PDE10A: variants seen among roughly 807,000 people sequenced by gnomAD.
The protein encoded by PDE10A is phosphodiesterase 10A.
PDE10A carries 39 observed loss-of-function variants against 97.7 expected under a neutral mutation model. That is an observed-to-expected ratio of 0.40 (90% CI 0.31 to 0.52). The LOEUF (loss-of-function observed/expected upper bound fraction) is 0.52. Ranked by LOEUF, PDE10A falls within the 20% of genes least tolerant of loss-of-function variation. The pLI, the probability that PDE10A is intolerant of heterozygous loss-of-function variation, is 0.56. For synonymous variants in PDE10A, 371 were observed against 376.8 expected, an observed-to-expected ratio of 0.98 and a Z score of 0.18; for missense variants, 731 against 1,047.8, an observed-to-expected ratio of 0.70 and a Z score of 4.17.
intron 13 of PDE10A, among the ~76,000 whole-genome samples, chr6:165,396,811 T>G (rs1181917507): frequency 2.6e-5 from 4 of 152,190 alleles, no homozygotes; most frequent in Non-Finnish European, 5.9e-5. Context: ...TTTGTACTTT[T>G]AAAGATCATC....
At chr6:165,682,846 G>A (rs961020554) in intron 1 of PDE10A, among the ~76,000 whole-genome samples, 6 of 152,124 alleles carry the variant, frequency 3.9e-5, no homozygotes, top group African/African-American at 1.2e-4. Context: ...GCTGGTCATC[G>A]GTTTGTACAT....
At chr6:165,782,968 C>T (rs1022814665) in intron 1 of PDE10A, among the ~76,000 whole-genome samples, 1 of 152,136 alleles carries the variant, frequency 6.6e-6, no homozygotes, top group African/African-American at 2.4e-5. Flanking sequence ...TTCACATGAC[C>T]ATGGCTTCCT....
At chr6:165,398,478 ACTCTCTCT>A (rs61614769) in intron 13 of PDE10A, among the ~76,000 whole-genome samples, 1 of 139,290 alleles carries the variant, frequency 7.2e-6, no homozygotes, top group African/African-American at 2.7e-5. Context: ...ATAGAGCAAG[ACTCTCTCT>A]CTCTCTCTCT....
intron 3 of PDE10A, among the ~76,000 whole-genome samples, chr6:165,481,741 C>CTTAAAG (rs10636941): frequency 0.68 from 102,131 of 151,264 alleles, 34,639 homozygotes; most frequent in Admixed American, 0.74. Flanking sequence ...TGCTAAGACT[C>CTTAAAG]TTAACTAGGC....
At chr6:165,564,786 A>C (rs1784694513) in intron 1 of PDE10A, among the ~76,000 whole-genome samples, 1 of 152,208 alleles carries the variant, frequency 6.6e-6, no homozygotes, top group Non-Finnish European at 1.5e-5. Context: ...TATAAAATGG[A>C]AATAACAATA....
At chr6:165,423,069 G>A (rs1788838409) in intron 10 of PDE10A, among the ~76,000 whole-genome samples, 1 of 152,100 alleles carries the variant, frequency 6.6e-6, no homozygotes, top group Non-Finnish European at 1.5e-5. Flanking sequence ...AGCTGTCAGG[G>A]CTATTGCTGC....
chr6:165,571,448 G>A (rs1192741767), intron 1 of PDE10A, among the ~76,000 whole-genome samples: 2 of 152,296 alleles, frequency 1.3e-5, no homozygotes, highest in South Asian at 2.1e-4. Flanking sequence ...TCCTATGCTT[G>A]AGAGTCAGTA....
chr6:165,879,348 C>A (rs932140703), intron 1 of PDE10A, among the ~76,000 whole-genome samples: 1 of 152,182 alleles, frequency 6.6e-6, no homozygotes, highest in African/African-American at 2.4e-5. Context: ...GTAGTTTGAG[C>A]AATTTTGGGG....
chr6:165,983,235 G>A (rs1414381600), intron 1 of PDE10A, among the ~76,000 whole-genome samples: 1 of 152,190 alleles, frequency 6.6e-6, no homozygotes, highest in Admixed American at 6.5e-5. Flanking sequence ...AACCATCTGA[G>A]TGTGTACACA....
chr6:165,650,929 G>T (rs1217738600), intron 1 of PDE10A, among the ~76,000 whole-genome samples: 1 of 152,136 alleles, frequency 6.6e-6, no homozygotes, highest in Non-Finnish European at 1.5e-5. Flanking sequence ...GTAGAAATGG[G>T]TTTTCACCAT....
At chr6:165,967,808 CAA>C (rs747829958) in intron 1 of PDE10A, among the ~76,000 whole-genome samples, 7 of 152,122 alleles carry the variant, frequency 4.6e-5, no homozygotes, top group Non-Finnish European at 1.0e-4. Context: ...AATTTATACA[CAA>C]GAGAAGTGAT....
chr6:165,865,133 A>G (rs1263328705), intron 1 of PDE10A, among the ~76,000 whole-genome samples: 2 of 152,190 alleles, frequency 1.3e-5, no homozygotes, highest in Non-Finnish European at 2.9e-5. Context: ...GTCTCACCAC[A>G]GTCTCCACTA....
intron 1 of PDE10A, among the ~76,000 whole-genome samples, chr6:165,828,859 T>C (rs1779830964): frequency 6.6e-6 from 1 of 152,196 alleles, no homozygotes; most frequent in Non-Finnish European, 1.5e-5. Context: ...CTGGTATGTA[T>C]TTAACAAAGA....
chr6:165,650,053 G>C (rs536577013), intron 1 of PDE10A, among the ~76,000 whole-genome samples: 4 of 152,266 alleles, frequency 2.6e-5, no homozygotes, highest in Middle Eastern at 3.4e-3. Context: ...TTCATCGTTT[G>C]ACATTTTGGG....
intron 1 of PDE10A, among the ~76,000 whole-genome samples, chr6:165,934,492 G>C (rs2128491375): frequency 6.6e-6 from 1 of 151,884 alleles, no homozygotes; most frequent in East Asian, 1.9e-4. Context: ...AAAACCCTCT[G>C]GATCCATCTT....
At chr6:165,406,025 T>C (rs1583211696) in intron 13 of PDE10A, among the ~76,000 whole-genome samples, 3 of 151,950 alleles carry the variant, frequency 2.0e-5, no homozygotes, top group East Asian at 3.9e-4. Flanking sequence ...CGAACAAATG[T>C]CCATGTCAGT....
intron 3 of PDE10A, among the ~76,000 whole-genome samples, chr6:165,457,699 G>A (rs1384542711): frequency 6.6e-6 from 1 of 152,104 alleles, no homozygotes; most frequent in Non-Finnish European, 1.5e-5. Context: ...ACACAGTTTG[G>A]GAACCAGGGG....
At chr6:165,791,143 C>G (rs969431892) in intron 1 of PDE10A, among the ~76,000 whole-genome samples, 1 of 151,904 alleles carries the variant, frequency 6.6e-6, no homozygotes, top group African/African-American at 2.4e-5. Flanking sequence ...AGATGGGGGT[C>G]TCACTATGTT....
At chr6:165,504,665 TTCATAAAA>T (rs1781088811) in intron 2 of PDE10A, among the ~76,000 whole-genome samples, 1 of 152,136 alleles carries the variant, frequency 6.6e-6, no homozygotes, top group South Asian at 2.1e-4. Flanking sequence ...CCAAGTAAGA[TTCATAAAA>T]TCTTACTAAT....
Sources: allele counts gnomAD v4.1 joint callset (sites outside exome capture counted in the v4.1 genomes callset), GRCh38; gene constraint gnomAD v4.1.1; transcripts MANE v1.5; gene names NCBI Gene and HGNC (gene_info 2026-07-23, HGNC 2026-07-21).